PRKN: variants seen among roughly 807,000 people sequenced by gnomAD.
The protein encoded by PRKN is E3 ubiquitin-protein ligase parkin.
Under a neutral mutation model 59.5 loss-of-function variants are expected in PRKN, and 56 were observed. The ratio of observed to expected loss-of-function variants is 0.94; its 90% CI spans 0.76 to 1.18. The LOEUF (loss-of-function observed/expected upper bound fraction) is 1.18, where lower values mean the gene tolerates loss of function less well. PRKN is among the 50% of genes most tolerant of loss of function. The pLI, the probability that PRKN is intolerant of heterozygous loss-of-function variation, is 0.00. For synonymous variants in PRKN, 250 were observed against 222.1 expected (o/e 1.13, Z -1.12); for missense variants, 657 against 596.4 (o/e 1.10, Z -1.06).
intron 6 of PRKN, among the ~76,000 whole-genome samples, chr6:161,958,496 T>C (rs1434761706): frequency 6.6e-6 from 1 of 152,200 alleles, no homozygotes; most frequent in African/African-American, 2.4e-5. Context: ...AATATTATGG[T>C]ATTTGTAAAA....
intron 7 of PRKN, chr6:161,716,067 C>T (rs757429564): frequency 4.5e-6 from 6 of 1,333,080 alleles, no homozygotes; most frequent in Non-Finnish European, 6.0e-6. Flanking sequence ...GTGCTGGGCC[C>T]ATCTTACCGA....
chr6:162,364,971 CTCTCTCTCTT>C (rs1205154161), intron 2 of PRKN, among the ~76,000 whole-genome samples: 2 of 145,922 alleles, frequency 1.4e-5, no homozygotes, highest in Non-Finnish European at 3.0e-5. Context: ...CCCTCTCTCT[CTCTCTCTCTT>C]TTTTTTTTTT....
rs71004055 is a variant in PRKN at position 161,581,041 on chromosome 6, A to AACAC, written c.872-11629_872-11626dup. Among the ~76,000 whole-genome samples the AACAC allele has an allele frequency of 0.43, 59,108 of 137,368 alleles. 12,746 individuals are homozygous for AACAC. The highest frequency in any genetic ancestry group is 0.5 in the Middle Eastern group (136 of 270). The allele number at this position is 137,368 out of a possible 152,430, so 90.1% of individuals were successfully genotyped here. On this transcript the variant is annotated intron_variant, in intron 7 of 11. Coordinates refer to ENST00000366898, the MANE Select transcript of PRKN (RefSeq NM_004562.3). This position sits in a 1 kb window ranked among gnomAD's most constrained non-coding sequence, Gnocchi z 4.5. ...ACACAGTGAAATCCTGTCTCTACTAAACACACACACACACACACACACACA... is the reference window on the plus strand; with the variant it reads ...ACACAGTGAAATCCTGTCTCTACTAAACACACACACACACACACACACACACACA...
intron 6 of PRKN, among the ~76,000 whole-genome samples, chr6:161,808,867 G>T (rs1385109971): frequency 6.6e-6 from 1 of 152,118 alleles, no homozygotes; most frequent in Non-Finnish European, 1.5e-5. Flanking sequence ...TTCAGACAGG[G>T]TCTCACTCTG....
chr6:161,547,924 C>A lies in PRKN; in HGVS notation c.1083+930G>T, dbSNP rs1311644819. Among the ~76,000 whole-genome samples, 1 of 152,206 alleles carries A rather than the reference C, an allele frequency of 6.6e-6. No homozygotes were observed. Among genetic ancestry groups the A allele is most frequent in the Non-Finnish European group, 1.5e-5 (1 of 68,034 alleles). On this transcript the variant is annotated intron_variant, in intron 9 of 11. Transcript: ENST00000366898. This position sits in a 1 kb window ranked among gnomAD's most constrained non-coding sequence, Gnocchi z 4.0. ...ACCCAGGATTTTATGAGCCCCACTG[C>A]ATGACATACAGGAAGCTTTACTAAG...
At chr6:162,391,045 G>A (rs1787158152) in intron 2 of PRKN, among the ~76,000 whole-genome samples, 1 of 152,146 alleles carries the variant, frequency 6.6e-6, no homozygotes, top group Non-Finnish European at 1.5e-5. Context: ...AGGATATTTG[G>A]ATGAAACTTC....
At chr6:162,660,201 A>AT (rs1439788524) in intron 1 of PRKN, among the ~76,000 whole-genome samples, 1 of 152,146 alleles carries the variant, frequency 6.6e-6, no homozygotes, top group Non-Finnish European at 1.5e-5. Context: ...AGTCACCCTC[A>AT]TTTTTTTAAG....
chr6:161,548,609 G>A lies in PRKN; in HGVS notation c.1083+245C>T. The A allele has an allele frequency of 5.9e-6, 3 of 508,336 alleles. No homozygotes were observed. The highest frequency in any genetic ancestry group is 1.0e-5 in the Non-Finnish European group (3 of 289,028). 31.5% of individuals were successfully genotyped at this position (508,336 alleles called of 1,614,324 possible). ...GCCTAGTGGCTCACAGCATCTTAAA[G>A]TAAATACTTCCATAAGCAACCAAAG... On this transcript the variant is annotated intron_variant, in intron 9 of 11. Coordinates refer to ENST00000366898, the MANE Select transcript of PRKN (RefSeq NM_004562.3). This position sits in a 1 kb window ranked among gnomAD's most constrained non-coding sequence, Gnocchi z 4.2.
Position 161,529,448 on chromosome 6 carries a change from C to T in PRKN, c.1083+19406G>A, listed in dbSNP as rs975304173. Among the ~76,000 whole-genome samples, 3 of 152,124 alleles carry T rather than the reference C, an allele frequency of 2.0e-5. No individual in the cohort carries two copies. Among genetic ancestry groups the T allele is most frequent in the African/African-American group, 7.2e-5 (3 of 41,418 alleles). On this transcript the variant is annotated intron_variant, in intron 9 of 11. Transcript: ENST00000366898. The surrounding 1 kb of genome is among the most constrained non-coding windows in gnomAD (Gnocchi z 4.4). Reference sequence around the variant, plus strand: ...CTCCGAGTCTTAGAGATGGAAGAGGCCTCCTTTTGTAGAGGAACGGGAAAC... The same window carrying T: ...CTCCGAGTCTTAGAGATGGAAGAGGTCTCCTTTTGTAGAGGAACGGGAAAC...
chr6:162,475,942 G>C (rs145145460), intron 1 of PRKN, among the ~76,000 whole-genome samples: 240 of 148,088 alleles, frequency 1.6e-3, no homozygotes, highest in African/African-American at 5.7e-3. Flanking sequence ...AGTAGAGACA[G>C]GGTTTCACCA....
rs59174358 is a variant in PRKN, at chr6:161,382,111, C to CAAAA, written c.1167+4679_1167+4682dup. Among the ~76,000 whole-genome samples the CAAAA allele has an allele frequency of 1.5e-3, 71 of 46,258 alleles. 1 individual carries two copies. The highest frequency in any genetic ancestry group is 4.2e-3 in the African/African-American group (61 of 14,648). 30.3% of individuals were successfully genotyped at this position (46,258 alleles called of 152,430 possible). ...TGGGTGAAAGAGCGAGACTCCATCT[C>CAAAA]AAAAAAAAAAAAAAAAAAAAAATCA... On this transcript the variant is annotated intron_variant, in intron 10 of 11. Coordinates refer to ENST00000366898, the MANE Select transcript of PRKN (RefSeq NM_004562.3).
intron 6 of PRKN, among the ~76,000 whole-genome samples, chr6:161,923,698 G>C (rs956807100): frequency 6.6e-6 from 1 of 152,112 alleles, no homozygotes; most frequent in Admixed American, 6.6e-5. Flanking sequence ...TTCTTAGAGA[G>C]TAATTTGCAA....
intron 5 of PRKN, among the ~76,000 whole-genome samples, chr6:161,996,199 C>T (rs1214504571): frequency 6.6e-6 from 1 of 152,050 alleles, no homozygotes; most frequent in African/African-American, 2.4e-5. Context: ...CACACATACA[C>T]ACGAGTACTA....
chr6:161,553,269 C>A (rs1562522417), intron 8 of PRKN, among the ~76,000 whole-genome samples: 1 of 152,116 alleles, frequency 6.6e-6, no homozygotes, highest in Non-Finnish European at 1.5e-5. Context: ...TTATAATGCA[C>A]CTGGATAATT....
At position 162,164,255 on chromosome 6, in the gene PRKN, G is replaced by C. The variant is rs539485841; in HGVS notation, c.534+36876C>G. Among the ~76,000 whole-genome samples the C allele has an allele frequency of 3.4e-5, 5 of 149,228 alleles. 1 individual carries two copies. Among genetic ancestry groups the C allele is most frequent in the African/African-American group, 1.3e-4 (5 of 39,756 alleles). On this transcript the variant is annotated intron_variant, in intron 4 of 11. Transcript: ENST00000366898. ...ATTTGTTTGCTTTTGTTTGGAGACG[G>C]TCTTGCTCTGTCCTCTGGAGGGCAG...
chr6:162,125,634 CACAA>C (rs1349880584), intron 4 of PRKN, among the ~76,000 whole-genome samples: 7 of 152,168 alleles, frequency 4.6e-5, no homozygotes, highest in African/African-American at 9.7e-5. Flanking sequence ...GTCACTTATA[CACAA>C]ACAAATAGTC....
chr6:161,523,614 A>G (rs1446775780), intron 9 of PRKN, among the ~76,000 whole-genome samples: 1 of 152,244 alleles, frequency 6.6e-6, no homozygotes, highest in East Asian at 1.9e-4. Context: ...ACAGCTCATA[A>G]GGCTATCATT....
chr6:161,573,329 A>G (rs1216215545), intron 7 of PRKN, among the ~76,000 whole-genome samples: 3 of 152,180 alleles, frequency 2.0e-5, no homozygotes, highest in Non-Finnish European at 4.4e-5. Context: ...AGTTATATTT[A>G]ATTGATATGT....
At chr6:162,008,987 G>C (rs1003624083) in intron 5 of PRKN, among the ~76,000 whole-genome samples, 2 of 151,950 alleles carry the variant, frequency 1.3e-5, no homozygotes, top group African/African-American at 4.9e-5. Context: ...AAGCGCAGTG[G>C]CTCACGCCTG....
Sources: allele counts gnomAD v4.1 joint callset (sites outside exome capture counted in the v4.1 genomes callset), GRCh38; gene constraint gnomAD v4.1.1; non-coding constraint Gnocchi (gnomAD v3.1); transcripts MANE v1.5; gene names NCBI Gene and HGNC (gene_info 2026-07-23, HGNC 2026-07-21).